Variants in EPC2 observed in about 807,000 individuals in gnomAD.
EPC2 encodes enhancer of polycomb homolog 2.
Under a neutral mutation model 92.1 loss-of-function variants are expected in EPC2, and 14 were observed. That is an observed-to-expected ratio of 0.15 (90% CI 0.10 to 0.24). The LOEUF is 0.24. Ranked by LOEUF, EPC2 falls within the 10% of genes least tolerant of loss-of-function variation. EPC2 has a pLI of 1.00. For synonymous variants in EPC2, 340 were observed against 334.7 expected (o/e 1.02, Z -0.17); for missense variants, 755 against 971.5 (o/e 0.78, Z 2.96).
chr2:148,777,005 A>G (rs1318186877), intron 10 of EPC2, among the ~76,000 whole-genome samples: 1 of 151,846 alleles, frequency 6.6e-6, no homozygotes. Context: ...GATTATAGGC[A>G]CGTGCCACCA....
chr2:148,719,681 G>A (rs137969215), intron 2 of EPC2, among the ~76,000 whole-genome samples: 88 of 152,368 alleles, frequency 5.8e-4, no homozygotes, highest in African/African-American at 2.0e-3. Context: ...GGAGACCCCA[G>A]TTGGGAGGTT....
intron 1 of EPC2, among the ~76,000 whole-genome samples, chr2:148,660,001 A>G (rs1377425850): frequency 2.0e-5 from 3 of 152,138 alleles, no homozygotes; most frequent in Non-Finnish European, 4.4e-5. Flanking sequence ...CTACTCTTCC[A>G]TTATAACAAT....
chr2:148,696,877 G>C (rs1681757528), intron 2 of EPC2, among the ~76,000 whole-genome samples: 2 of 152,064 alleles, frequency 1.3e-5, no homozygotes. Flanking sequence ...ATAATTCCAT[G>C]GGCTGTCTAC....
intron 2 of EPC2, among the ~76,000 whole-genome samples, chr2:148,719,628 G>A (rs577412159): frequency 5.1e-4 from 77 of 152,318 alleles, no homozygotes; most frequent in African/African-American, 1.7e-3. Context: ...TCCCAGGAGG[G>A]TGCTGACCTA....
chr2:148,690,272 G>A lies in EPC2; in HGVS notation c.212G>A (p.Ser71Asn), dbSNP rs1681616508. The change falls in exon 2 of 14, where the codon AGT becomes AAT. Residue 71 changes from serine (S) to asparagine (N), a missense_variant. Coordinates refer to ENST00000258484, the MANE Select transcript of EPC2 (RefSeq NM_015630.4). The part of the protein sequence containing the change: ...AQQVFREKKE[S>N]MVIPVPEAES... ...CAAGTGTTTAGAGAAAAAAAAGAGA[G>A]TATGGTCATTCCTGTTCCTGAGGCA... The A allele has an allele frequency of 6.2e-7, 1 of 1,611,980 alleles. No individual in the cohort carries two copies. The highest frequency in any genetic ancestry group is 1.1e-5 in the South Asian group (1 of 90,586).
At chr2:148,679,885 C>T (rs1377199362) in intron 1 of EPC2, among the ~76,000 whole-genome samples, 1 of 152,092 alleles carries the variant, frequency 6.6e-6, no homozygotes, top group African/African-American at 2.4e-5. Context: ...TAAGCTGAAG[C>T]GATCCTCCTG....
At chr2:148,661,823 A>G (rs1487531658) in intron 1 of EPC2, among the ~76,000 whole-genome samples, 4 of 152,130 alleles carry the variant, frequency 2.6e-5, no homozygotes, top group African/African-American at 9.7e-5. Context: ...CCTTAGGTGT[A>G]TTTATAATTA....
chr2:148,646,125 C>G (rs1474590764), intron 1 of EPC2, among the ~76,000 whole-genome samples: 1 of 152,160 alleles, frequency 6.6e-6, no homozygotes, highest in Admixed American at 6.5e-5. Context: ...ATAGTAACTG[C>G]ACCCTCAAGA....
rs184259610 is a variant in EPC2 at position 148,707,031 on chromosome 2, C to G, written c.313+16658C>G. Among the ~76,000 whole-genome samples the G allele has an allele frequency of 9.6e-4, 146 of 152,138 alleles. 1 individual carries two copies. Among genetic ancestry groups the G allele is most frequent in the Non-Finnish European group, 2.4e-4 (16 of 68,000 alleles). On this transcript the variant is annotated intron_variant, in intron 2 of 13. Transcript: ENST00000258484. The stretch of plus-strand genomic sequence containing the variant: ...CTTAAATGTAAATGGGTTAAATGCC[C>G]CAATTAAAAGACACAGACTGGAAAT...
chr2:148,656,665 A>G (rs1040816548), intron 1 of EPC2, among the ~76,000 whole-genome samples: 2 of 152,204 alleles, frequency 1.3e-5, no homozygotes, highest in African/African-American at 4.8e-5. Flanking sequence ...ATCATTTGGT[A>G]TAGATGGCAT....
chr2:148,661,776 T>A (rs1218416356), intron 1 of EPC2, among the ~76,000 whole-genome samples: 2 of 152,198 alleles, frequency 1.3e-5, no homozygotes, highest in East Asian at 3.8e-4. Flanking sequence ...TTCTCAAATT[T>A]TTTTTGGCAT....
chr2:148,660,962 T>G (rs1354283753), intron 1 of EPC2, among the ~76,000 whole-genome samples: 1 of 152,116 alleles, frequency 6.6e-6, no homozygotes, highest in Non-Finnish European at 1.5e-5. Flanking sequence ...GTTTATTATC[T>G]TATCTTTTAT....
At chr2:148,680,892 C>G (rs1172458741) in intron 1 of EPC2, among the ~76,000 whole-genome samples, 1 of 152,132 alleles carries the variant, frequency 6.6e-6, no homozygotes, top group Non-Finnish European at 1.5e-5. Flanking sequence ...TATGCTGTTA[C>G]TGGGGAATAG....
chr2:148,704,106 A>T (rs1681945049), intron 2 of EPC2, among the ~76,000 whole-genome samples: 1 of 152,228 alleles, frequency 6.6e-6, no homozygotes. Flanking sequence ...CCATGTTCAT[A>T]GCAGCATTAT....
rs1048450973 is a variant in EPC2 at position 148,786,977 on chromosome 2, G to A, written c.*600G>A. On this transcript the variant is annotated 3_prime_UTR_variant, in exon 14 of 14. Transcript: ENST00000258484. ...TTTCTATTACTGTGCAGGGGAAAGG[G>A]ATGGATCGATACATGCAAATTTAAT... 1 of 152,574 alleles carries A rather than the reference G, an allele frequency of 6.6e-6. No individual in the cohort carries two copies. Among genetic ancestry groups the A allele is most frequent in the African/African-American group, 2.4e-5 (1 of 41,440 alleles). The allele number at this position is 152,574 out of a possible 1,614,324, so 9.5% of individuals were successfully genotyped here.
intron 1 of EPC2, among the ~76,000 whole-genome samples, chr2:148,648,906 A>AT (rs1275738136): frequency 6.6e-6 from 1 of 152,130 alleles, no homozygotes; most frequent in South Asian, 2.1e-4. Context: ...CCCTATCCTT[A>AT]TTATCATTGT....
chr2:148,775,823 G>C (rs540514374), intron 10 of EPC2, among the ~76,000 whole-genome samples: 1 of 134,174 alleles, frequency 7.5e-6, no homozygotes, highest in Non-Finnish European at 1.5e-5. Flanking sequence ...TGTTACCCAG[G>C]CTGGAGTACA....
intron 2 of EPC2, among the ~76,000 whole-genome samples, chr2:148,695,941 G>A (rs1419408823): frequency 6.6e-6 from 1 of 152,206 alleles, no homozygotes; most frequent in Non-Finnish European, 1.5e-5. Flanking sequence ...GTGATTAGAA[G>A]GGACAGGGAA....
intron 1 of EPC2, among the ~76,000 whole-genome samples, chr2:148,676,604 T>C (rs1681267633): frequency 6.6e-6 from 1 of 152,126 alleles, no homozygotes; most frequent in Non-Finnish European, 1.5e-5. Context: ...ATATATGTAT[T>C]TATATTTGCT....
Sources: allele counts gnomAD v4.1 joint callset (sites outside exome capture counted in the v4.1 genomes callset), GRCh38; gene constraint gnomAD v4.1.1; transcripts MANE v1.5; gene names NCBI Gene and HGNC (gene_info 2026-07-23, HGNC 2026-07-21).